The following SRR variants were observed in gnomAD, a reference collection of about 807,000 sequenced individuals.
SRR encodes serine racemase.
SRR carries 19 observed loss-of-function variants against 32.7 expected under a neutral mutation model. That is an observed-to-expected ratio of 0.58 (90% CI 0.40 to 0.85). The LOEUF (loss-of-function observed/expected upper bound fraction) is 0.85, where lower values mean the gene tolerates loss of function less well. SRR is among the 40% of genes least tolerant of loss of function. The pLI, the probability that SRR is intolerant of heterozygous loss-of-function variation, is 0.00. For missense variants in SRR, 373 were observed against 404.7 expected, an observed-to-expected ratio of 0.92 and a Z score of 0.67; for synonymous variants, 142 against 140.9, an observed-to-expected ratio of 1.01 and a Z score of -0.06.
intron 1 of SRR, among the ~76,000 whole-genome samples, chr17:2,313,397 T>C (rs1298445788): frequency 1.4e-5 from 2 of 144,310 alleles, no homozygotes; most frequent in Middle Eastern, 3.6e-3. Flanking sequence ...GCCACCGCAC[T>C]CCAGCCTGGC....
intron 2 of SRR, among the ~76,000 whole-genome samples, chr17:2,316,188 A>G (rs571533515): frequency 6.6e-6 from 1 of 152,180 alleles, no homozygotes; most frequent in Non-Finnish European, 1.5e-5. Context: ...GTAACATGCT[A>G]TACAGGGTTT....
chr17:2,305,439 AAT>A (rs897840939), intron 1 of SRR, among the ~76,000 whole-genome samples: 45 of 152,200 alleles, frequency 3.0e-4, no homozygotes, highest in African/African-American at 1.0e-3. Flanking sequence ...AGGAAAAGGT[AAT>A]AGATAAAAAC....
At chr17:2,315,308 T>G (rs2151432694) in intron 1 of SRR, 1 of 281,060 alleles carries the variant, frequency 3.6e-6, no homozygotes, top group Non-Finnish European at 6.5e-6. Context: ...AGATGGGTGG[T>G]GTGGGTGGGG....
intron 1 of SRR, among the ~76,000 whole-genome samples, chr17:2,312,176 A>T (rs2075438022): frequency 6.6e-6 from 1 of 150,558 alleles, no homozygotes. Context: ...TAATTGAGCC[A>T]CTGTACACCA....
At chr17:2,314,889 AAATT>A (rs1258553691) in intron 1 of SRR, among the ~76,000 whole-genome samples, 27 of 151,754 alleles carry the variant, frequency 1.8e-4, no homozygotes, top group Admixed American at 1.8e-3. Context: ...TTAAATTTAT[AAATT>A]AAAAATAATA....
rs575399383 is a variant in SRR, at chr17:2,311,441, G to A, written c.-4-4116G>A. On this transcript the variant is annotated intron_variant, in intron 1 of 7. Coordinates refer to ENST00000344595, the MANE Select transcript of SRR (RefSeq NM_021947.3). ...ACTTGAGCTCAGAAGGTCAAGACCAGCCTGGGCAACATGGCAAAACCTTGT... is the reference window on the plus strand; with the variant it reads ...ACTTGAGCTCAGAAGGTCAAGACCAACCTGGGCAACATGGCAAAACCTTGT... Among the ~76,000 whole-genome samples the A allele has an allele frequency of 3.9e-5, 6 of 152,118 alleles. No homozygotes were observed. The East Asian group carries it at 9.8e-4, about 25-fold the overall frequency.
chr17:2,324,136 T>C lies in SRR; in HGVS notation c.*263T>C. The stretch of plus-strand genomic sequence containing the variant: ...AAATAAACTTTGCCCAATCACAACT[T>C]GTGCCTCCCATCCCTGGAGTACTGA... On this transcript the variant is annotated 3_prime_UTR_variant, in exon 8 of 8. Coordinates refer to ENST00000344595, the MANE Select transcript of SRR (RefSeq NM_021947.3). 6.6e-7 allele frequency: 1 copy of C among 1,505,792 alleles called. No individual in the cohort carries two copies. The highest frequency in any genetic ancestry group is 8.8e-7 in the Non-Finnish European group (1 of 1,130,210). 93.3% of individuals were successfully genotyped at this position (1,505,792 alleles called of 1,614,324 possible).
intron 1 of SRR, chr17:2,306,928 T>C: frequency 9.3e-7 from 1 of 1,072,770 alleles, no homozygotes; most frequent in South Asian, 1.2e-5. Context: ...CTCCAGGGGC[T>C]TTGGATTTGC....
At chr17:2,317,206 GGAAAAAAAAAAAAA>G (rs1224737974) in intron 2 of SRR, among the ~76,000 whole-genome samples, 1 of 111,836 alleles carries the variant, frequency 8.9e-6, no homozygotes, top group African/African-American at 3.6e-5. Flanking sequence ...CCATCTCGGG[GGAAAAAAAAAAAAA>G]AAAAAAAAAG....
At chr17:2,321,004 A>C (rs1388623809) in intron 4 of SRR, among the ~76,000 whole-genome samples, 2 of 152,246 alleles carry the variant, frequency 1.3e-5, no homozygotes, top group African/African-American at 4.8e-5. Flanking sequence ...AGACATCCAC[A>C]GCACTTGTTC....
At chr17:2,310,586 G>GT (rs570733673) in intron 1 of SRR, among the ~76,000 whole-genome samples, 35 of 147,226 alleles carry the variant, frequency 2.4e-4, no homozygotes, top group East Asian at 3.9e-4. Flanking sequence ...TTTGGTTGTT[G>GT]TTTTTTTTTT....
chr17:2,306,978 T>C, intron 1 of SRR: 1 of 1,354,574 alleles, frequency 7.4e-7, no homozygotes, highest in Non-Finnish European at 1.0e-6. Flanking sequence ...CAGCCACGAA[T>C]GCAAGGCCAC....
Position 2,323,070 on chromosome 17 carries a change from T to A in SRR, c.595-66T>A, listed in dbSNP as rs573560934. On this transcript the variant is annotated intron_variant, in intron 6 of 7. Transcript: ENST00000344595. The stretch of plus-strand genomic sequence containing the variant: ...GTGAGCCACCACACCAGGCCCATAT[T>A]TTCTTTTAGACATGCAGGCAATGTT... The A allele has an allele frequency of 2.9e-5, 45 of 1,539,604 alleles. No individual in the cohort carries two copies. In the East Asian group the frequency reaches 9.9e-4, roughly 34 times the overall value.
At chr17:2,314,667 C>T (rs1345648696) in intron 1 of SRR, among the ~76,000 whole-genome samples, 1 of 149,946 alleles carries the variant, frequency 6.7e-6, no homozygotes, top group Non-Finnish European at 1.5e-5. Context: ...GCAGGAGAAT[C>T]GCTTGAACCT....
upstream of SRR, chr17:2,303,699 C>G: frequency 6.7e-7 from 1 of 1,496,956 alleles, no homozygotes; most frequent in Non-Finnish European, 8.9e-7. Context: ...GAGATCCGCA[C>G]ACGCTCCAGC....
intron 2 of SRR, 127 bp from the exon 3 acceptor site, chr17:2,317,743 A>G: frequency 1.0e-6 from 1 of 962,648 alleles, no homozygotes; most frequent in Non-Finnish European, 1.5e-6. Context: ...GATATTTAAG[A>G]GGTAAATCGA....
At chr17:2,314,746 A>G (rs1376277295) in intron 1 of SRR, among the ~76,000 whole-genome samples, 1 of 151,630 alleles carries the variant, frequency 6.6e-6, no homozygotes, top group Non-Finnish European at 1.5e-5. Flanking sequence ...GGAGTGAAAC[A>G]CCATCTCAAA....
intron 1 of SRR, chr17:2,306,707 A>C (rs2075393358): frequency 1.9e-6 from 1 of 521,214 alleles, no homozygotes; most frequent in Non-Finnish European, 3.4e-6. Context: ...ACAGATAGAG[A>C]CTCTGTCTCA....
chr17:2,310,744 A>G (rs1393049576), intron 1 of SRR, among the ~76,000 whole-genome samples: 2 of 151,012 alleles, frequency 1.3e-5, no homozygotes, highest in Non-Finnish European at 3.0e-5. Flanking sequence ...ACTCCTGGCT[A>G]ATTTTTTTGT....
Sources: allele counts gnomAD v4.1 joint callset (sites outside exome capture counted in the v4.1 genomes callset), GRCh38; gene constraint gnomAD v4.1.1; transcripts MANE v1.5; gene names NCBI Gene and HGNC (gene_info 2026-07-23, HGNC 2026-07-21).